The following MAPDA variants were observed in gnomAD, a reference collection of about 807,000 sequenced individuals.
The protein encoded by MAPDA is N6-Methyl-AMP deaminase.
At chr15:43,351,595 G>A in the MAPDA span, 2 of 636,358 alleles carry the variant, frequency 3.1e-6, no homozygotes, top group Non-Finnish European at 5.2e-6. Context: ...AAATAAATCT[G>A]TTTAGTTACA....
At chr15:43,345,817 CAT>C in the MAPDA span, 41 of 1,612,718 alleles carry the variant, frequency 2.5e-5, no homozygotes, top group Non-Finnish European at 3.4e-5. Context: ...TCATCTGTGT[CAT>C]ATTAGTTTTC....
chr15:43,330,375 C>A, the MAPDA span: 1 of 1,604,530 alleles, frequency 6.2e-7, no homozygotes, highest in Admixed American at 1.7e-5. Flanking sequence ...ACCAGCAACG[C>A]GGCAAAGGGG....
chr15:43,351,302 G>A, the MAPDA span: 22 of 362,958 alleles, frequency 6.1e-5, no homozygotes, highest in Non-Finnish European at 4.9e-6. Context: ...CTCCATCTTG[G>A]GCAACAAGAG....
chr15:43,344,930 TTC>T, the MAPDA span, among the ~76,000 whole-genome samples: 2 of 152,184 alleles, frequency 1.3e-5, no homozygotes, highest in Non-Finnish European at 2.9e-5. Context: ...AAGAGAATAT[TTC>T]TAATTTTGTA....
chr15:43,343,612 C>G, the MAPDA span, among the ~76,000 whole-genome samples: 1 of 152,142 alleles, frequency 6.6e-6, no homozygotes, highest in African/African-American at 2.4e-5. Flanking sequence ...TACTAATCCT[C>G]TAGTCACCCA....
At chr15:43,341,606 A>T in the MAPDA span, among the ~76,000 whole-genome samples, 1 of 151,770 alleles carries the variant, frequency 6.6e-6, no homozygotes, top group South Asian at 2.1e-4. Flanking sequence ...TGGGAGGCTG[A>T]GGCAGGAGGA....
chr15:43,346,287 C>T, the MAPDA span, among the ~76,000 whole-genome samples: 4 of 152,196 alleles, frequency 2.6e-5, no homozygotes, highest in African/African-American at 9.7e-5. Context: ...TAATTCATTA[C>T]ATACAATGGA....
chr15:43,345,841 T>C, the MAPDA span: 9 of 1,614,094 alleles, frequency 5.6e-6, no homozygotes, highest in Non-Finnish European at 7.6e-6. Flanking sequence ...ACTCTGTCTT[T>C]CTTACATTAA....
chr15:43,342,497 C>G, the MAPDA span, among the ~76,000 whole-genome samples: 2 of 151,118 alleles, frequency 1.3e-5, no homozygotes, highest in Admixed American at 6.6e-5. Context: ...ACCTGTAATC[C>G]CAGCACTTTG....
the MAPDA span, chr15:43,346,882 A>T: frequency 1.4e-6 from 1 of 694,724 alleles, no homozygotes; most frequent in Non-Finnish European, 2.4e-6. Context: ...TAGGTGCTTT[A>T]TAAACAAGAT....
At chr15:43,335,577 T>C in the MAPDA span, 1 of 1,160,688 alleles carries the variant, frequency 8.6e-7, no homozygotes, top group Non-Finnish European at 1.2e-6. Context: ...TTGTAAACTT[T>C]ATTATGTAGC....
the MAPDA span, among the ~76,000 whole-genome samples, chr15:43,343,557 A>G: frequency 6.6e-6 from 1 of 152,116 alleles, no homozygotes; most frequent in Non-Finnish European, 1.5e-5. Context: ...ATTGGCTGTT[A>G]CTTCCTCAGA....
chr15:43,353,276 AAAAC>A, the MAPDA span: 68,056 of 151,282 alleles, frequency 0.45, 19,401 homozygotes, highest in African/African-American at 0.81. Context: ...GAAAGGTAAA[AAAAC>A]AAACAAACAA....
At chr15:43,347,562 T>C in the MAPDA span, among the ~76,000 whole-genome samples, 1 of 152,200 alleles carries the variant, frequency 6.6e-6, no homozygotes, top group Non-Finnish European at 1.5e-5. Context: ...ACTGTTAGCA[T>C]GAACGTAGTA....
chr15:43,335,587 C>A, the MAPDA span: 10 of 1,231,020 alleles, frequency 8.1e-6, no homozygotes, highest in South Asian at 1.5e-4. Context: ...TATTATGTAG[C>A]TAAATCTAGT....
At chr15:43,346,898 A>T in the MAPDA span, 1 of 781,474 alleles carries the variant, frequency 1.3e-6, no homozygotes, top group Admixed American at 2.2e-5. Context: ...AAGATGTGCA[A>T]ATGAATTAAT....
the MAPDA span, among the ~76,000 whole-genome samples, chr15:43,349,835 A>G: frequency 6.6e-6 from 1 of 152,210 alleles, no homozygotes; most frequent in Admixed American, 6.5e-5. Context: ...AATATCCACA[A>G]AAGTGGAGAG....
At chr15:43,343,061 G>A in the MAPDA span, 2 of 1,577,326 alleles carry the variant, frequency 1.3e-6, no homozygotes, top group Non-Finnish European at 1.7e-6. Context: ...AAGAAAACTT[G>A]GACATTGATG....
the MAPDA span, among the ~76,000 whole-genome samples, chr15:43,338,210 A>C: frequency 6.6e-6 from 1 of 152,206 alleles, no homozygotes; most frequent in African/African-American, 2.4e-5. Flanking sequence ...TAGTGCTACT[A>C]GGTGGTTCAG....
Sources: gnomAD v4.1 joint callset for allele counts (sites outside exome capture counted in the v4.1 genomes callset) on GRCh38, gnomAD v4.1.1 for gene constraint, MANE v1.5 for transcripts, NCBI Gene and HGNC (gene_info 2026-07-23, HGNC 2026-07-21) for gene names.